The following TNIP3 variants were observed in gnomAD, a reference collection of about 807,000 sequenced individuals.
TNIP3 encodes TNFAIP3-interacting protein 3.
TNIP3 carries 34 observed loss-of-function variants against 54.1 expected under a neutral mutation model. That is an observed-to-expected ratio of 0.63 (90% CI 0.48 to 0.84). The LOEUF is 0.84. TNIP3 is among the 40% of genes least tolerant of loss of function. The probability of loss-of-function intolerance (pLI) is 0.00; values close to 1 mark genes in which losing one functional copy is unlikely to be tolerated. For synonymous variants in TNIP3, 134 were observed against 136.8 expected (o/e 0.98, Z 0.14); for missense variants, 366 against 387.6 (o/e 0.94, Z 0.47).
chr4:121,138,590 C>A, intron 10 of TNIP3, 34 bp downstream of exon 10: 1 of 1,596,674 alleles, frequency 6.3e-7, no homozygotes, highest in South Asian at 1.1e-5. Flanking sequence ...AAGATGTAAA[C>A]ATGAAAGAAT....
At chr4:121,133,672 C>T (rs751927714) in intron 10 of TNIP3, among the ~76,000 whole-genome samples, 2 of 152,078 alleles carry the variant, frequency 1.3e-5, no homozygotes, top group African/African-American at 4.8e-5. Context: ...AGATAATCCA[C>T]GGCAGAATGG....
chr4:121,182,040 AT>A (rs576628906), intron 3 of TNIP3, among the ~76,000 whole-genome samples: 38 of 148,014 alleles, frequency 2.6e-4, no homozygotes, highest in South Asian at 8.6e-4. Flanking sequence ...CTCACATTAG[AT>A]TTTTTTTTTT....
upstream of TNIP3, among the ~76,000 whole-genome samples, chr4:121,166,056 A>T (rs1194941799): frequency 6.6e-6 from 1 of 152,212 alleles, no homozygotes; most frequent in Non-Finnish European, 1.5e-5. Context: ...TGACCTAGAA[A>T]AGTGGGTGGG....
upstream of TNIP3, among the ~76,000 whole-genome samples, chr4:121,218,928 G>A (rs144194660): frequency 2.9e-3 from 435 of 152,270 alleles, 3 homozygotes; most frequent in African/African-American, 9.9e-3. Flanking sequence ...GGCCAGCCAT[G>A]GTGGCTCACG....
At chr4:121,178,179 A>T (rs1724469425) in intron 3 of TNIP3, among the ~76,000 whole-genome samples, 1 of 152,252 alleles carries the variant, frequency 6.6e-6, no homozygotes, top group African/African-American at 2.4e-5. Context: ...ATTTGAGTTT[A>T]GGTCCAGAAT....
intron 3 of TNIP3, among the ~76,000 whole-genome samples, chr4:121,174,581 T>C (rs1436096245): frequency 6.6e-6 from 1 of 152,068 alleles, no homozygotes; most frequent in Non-Finnish European, 1.5e-5. Context: ...TCTCCCAATA[T>C]GCTAGCCTAA....
At chr4:121,193,510 T>A (rs1725409966) in intron 2 of TNIP3, among the ~76,000 whole-genome samples, 1 of 152,188 alleles carries the variant, frequency 6.6e-6, no homozygotes, top group African/African-American at 2.4e-5. Flanking sequence ...TGCCTACTGA[T>A]AAGTGTAGAG....
upstream of TNIP3, among the ~76,000 whole-genome samples, chr4:121,165,125 T>C (rs1730685283): frequency 6.6e-6 from 1 of 151,402 alleles, no homozygotes; most frequent in South Asian, 2.1e-4. Context: ...GAATTTATGG[T>C]CAATCATTTA....
At chr4:121,152,298 A>G (rs1359887712) in intron 5 of TNIP3, among the ~76,000 whole-genome samples, 1 of 152,178 alleles carries the variant, frequency 6.6e-6, no homozygotes, top group African/African-American at 2.4e-5. Flanking sequence ...TATTCATTGT[A>G]AAATAGAAGA....
In TNIP3 at chr4:121,216,570, C is replaced by T. The variant is rs373003177; in HGVS notation, c.-19+16G>A. 8.6e-6 allele frequency: 13 copies of T among 1,519,306 alleles called. No individual in the cohort carries two copies. The African/African-American group carries it at 1.4e-4, about 16-fold the overall frequency. The allele number at this position is 1,519,306 out of a possible 1,614,324, so 94.1% of individuals were successfully genotyped here. A position where few individuals can be genotyped will look rare whatever the true frequency, so the allele number is the denominator to read the frequency against. On this transcript the variant is annotated intron_variant, in intron 1 of 12. Transcript: ENST00000507879. ...AAGGGAAGTTAACTATGTCAGTCAC[C>T]AAAGGAGAAAACCACCTGTTAAATG...
chr4:121,131,449 CA>C lies in TNIP3; in HGVS notation c.*1181del. ...TTTCATTTTAATTGGCTTGAGAAGT[CA>C]GAATTAAGTTTTTCATTAAAATTAA... On this transcript the variant is annotated 3_prime_UTR_variant, in exon 11 of 11. Coordinates refer to ENST00000057513, the MANE Select transcript of TNIP3 (RefSeq NM_024873.6). The C allele has an allele frequency of 6.6e-6, 1 of 151,650 alleles. No individual in the cohort carries two copies. Among genetic ancestry groups the C allele is most frequent in the South Asian group, 2.1e-4 (1 of 4,794 alleles). The allele number at this position is 151,650 out of a possible 1,614,324, so 9.4% of individuals were successfully genotyped here. A position where few individuals can be genotyped will look rare whatever the true frequency, so the allele number is the denominator to read the frequency against.
chr4:121,202,750 A>G (rs1450148825), intron 2 of TNIP3, among the ~76,000 whole-genome samples: 2 of 152,164 alleles, frequency 1.3e-5, no homozygotes, highest in African/African-American at 4.8e-5. Context: ...AGATAACCCC[A>G]TCAAAAAGTG....
intron 9 of TNIP3, among the ~76,000 whole-genome samples, chr4:121,139,821 C>G (rs1370837927): frequency 1.3e-5 from 2 of 152,160 alleles, no homozygotes; most frequent in Non-Finnish European, 2.9e-5. Flanking sequence ...TCTCAAATAA[C>G]ACATAGGATA....
intron 2 of TNIP3, among the ~76,000 whole-genome samples, chr4:121,183,823 A>C (rs1724853230): frequency 6.6e-6 from 1 of 151,894 alleles, no homozygotes; most frequent in African/African-American, 2.4e-5. Flanking sequence ...CATCACCCCC[A>C]GATGGGACCA....
intron 3 of TNIP3, among the ~76,000 whole-genome samples, chr4:121,177,712 A>AAC (rs1724442367): frequency 1.3e-5 from 2 of 152,314 alleles, no homozygotes; most frequent in Non-Finnish European, 2.9e-5. Context: ...TTAACCAAAT[A>AAC]GAAATTTTCT....
At chr4:121,207,178 G>A (rs1029324721) in intron 2 of TNIP3, among the ~76,000 whole-genome samples, 1 of 152,108 alleles carries the variant, frequency 6.6e-6, no homozygotes, top group African/African-American at 2.4e-5. Context: ...GGAAATTGAA[G>A]AAGAGGAAGG....
intron 1 of TNIP3, among the ~76,000 whole-genome samples, chr4:121,227,175 C>A (rs1727292639): frequency 6.6e-6 from 1 of 152,092 alleles, no homozygotes; most frequent in South Asian, 2.1e-4. Context: ...AAACACCATG[C>A]ATTATTACAT....
intron 10 of TNIP3, among the ~76,000 whole-genome samples, chr4:121,135,420 T>C (rs907212518): frequency 6.6e-6 from 1 of 152,112 alleles, no homozygotes; most frequent in African/African-American, 2.4e-5. Flanking sequence ...ATTTTTGAGA[T>C]AGAGTCATTT....
intron 1 of TNIP3, among the ~76,000 whole-genome samples, chr4:121,224,409 A>G (rs1171660017): frequency 2.0e-5 from 3 of 152,070 alleles, no homozygotes; most frequent in Non-Finnish European, 2.9e-5. Flanking sequence ...AGTTGAGATG[A>G]GACTTGATCC....
Sources: gnomAD v4.1 joint callset for allele counts (sites outside exome capture counted in the v4.1 genomes callset) on GRCh38, gnomAD v4.1.1 for gene constraint, MANE v1.5 for transcripts, NCBI Gene and HGNC (gene_info 2026-07-23, HGNC 2026-07-21) for gene names.